FYN: variants seen among roughly 807,000 people sequenced by gnomAD.
FYN encodes tyrosine-protein kinase Fyn.
In FYN, 10 loss-of-function variants were observed where a neutral mutation model predicts 70.2. That is an observed-to-expected ratio of 0.14 (90% CI 0.09 to 0.24). FYN has a LOEUF of 0.24. Among genes scored for constraint, FYN ranks in the 10% least tolerant of loss-of-function variants. The pLI is 1.00. For synonymous variants in FYN, 236 were observed against 248.6 expected (o/e 0.95, Z 0.48); for missense variants, 319 against 673.1 (o/e 0.47, Z 5.82).
At chr6:111,751,668 C>A (rs1017222339) in intron 3 of FYN, among the ~76,000 whole-genome samples, 3 of 151,936 alleles carry the variant, frequency 2.0e-5, no homozygotes, top group Admixed American at 1.3e-4. Context: ...GTCATCTAGG[C>A]TGGAGTGCAG....
intron 9 of FYN, among the ~76,000 whole-genome samples, chr6:111,697,676 A>C (rs1799633399): frequency 6.6e-6 from 1 of 152,246 alleles, no homozygotes; most frequent in African/African-American, 2.4e-5. Flanking sequence ...AGCACCCAAA[A>C]TTCTAAATAC....
At chr6:111,733,620 A>G (rs1801566764) in intron 3 of FYN, among the ~76,000 whole-genome samples, 1 of 152,262 alleles carries the variant, frequency 6.6e-6, no homozygotes, top group Non-Finnish European at 1.5e-5. Flanking sequence ...TCAGTGCATT[A>G]GCCCAGAACC....
chr6:111,771,769 C>A (rs552042958), intron 3 of FYN, among the ~76,000 whole-genome samples: 1 of 152,310 alleles, frequency 6.6e-6, no homozygotes, highest in South Asian at 2.1e-4. Context: ...ATAAAGATCC[C>A]GGTTTCCAGT....
intron 5 of FYN, among the ~76,000 whole-genome samples, chr6:111,713,634 C>T (rs1007678113): frequency 6.6e-6 from 1 of 152,046 alleles, no homozygotes; most frequent in African/African-American, 2.4e-5. Flanking sequence ...TATTTATAAA[C>T]CCTAAGAAAA....
chr6:111,663,454 G>C (rs1456578011), intron 13 of FYN, among the ~76,000 whole-genome samples: 1 of 152,214 alleles, frequency 6.6e-6, no homozygotes, highest in Non-Finnish European at 1.5e-5. Context: ...AGTCCTCTTG[G>C]TTGTGTTGTT....
intron 5 of FYN, among the ~76,000 whole-genome samples, chr6:111,713,182 A>C (rs1358992185): frequency 5.3e-5 from 8 of 152,148 alleles, no homozygotes; most frequent in Non-Finnish European, 1.2e-4. Flanking sequence ...TTCTCACTGC[A>C]TGGTTCTGTG....
intron 1 of FYN, among the ~76,000 whole-genome samples, chr6:111,860,543 G>C (rs1773935061): frequency 6.6e-6 from 1 of 152,176 alleles, no homozygotes; most frequent in Non-Finnish European, 1.5e-5. Flanking sequence ...AGTAGGGCTT[G>C]CCTTGGGCAC....
At chr6:111,869,153 C>T (rs754202036) in intron 1 of FYN, among the ~76,000 whole-genome samples, 4 of 152,210 alleles carry the variant, frequency 2.6e-5, no homozygotes, top group Non-Finnish European at 4.4e-5. Context: ...ACAGGGACTA[C>T]CCAGAACACT....
chr6:111,844,052 C>T (rs1773445986), intron 2 of FYN, among the ~76,000 whole-genome samples: 1 of 152,200 alleles, frequency 6.6e-6, no homozygotes, highest in South Asian at 2.1e-4. Flanking sequence ...TGAGCCCAGA[C>T]AGATCTGAGT....
At chr6:111,663,810 C>G (rs1797877348) in intron 13 of FYN, among the ~76,000 whole-genome samples, 1 of 152,086 alleles carries the variant, frequency 6.6e-6, no homozygotes, top group African/African-American at 2.4e-5. Context: ...CCTACATCCT[C>G]CTCCAATGGC....
chr6:111,734,522 GCT>G (rs1801617758), intron 3 of FYN, among the ~76,000 whole-genome samples: 1 of 152,058 alleles, frequency 6.6e-6, no homozygotes, highest in African/African-American at 2.4e-5. Flanking sequence ...TTATGATCTG[GCT>G]CAACCAACTC....
chr6:111,798,951 T>A (rs1306355632), intron 2 of FYN, among the ~76,000 whole-genome samples: 1 of 152,200 alleles, frequency 6.6e-6, no homozygotes, highest in East Asian at 1.9e-4. Context: ...TTCCTCAGAA[T>A]ATCCAGATTA....
intron 3 of FYN, among the ~76,000 whole-genome samples, chr6:111,745,891 TC>T (rs1802188740): frequency 6.6e-6 from 1 of 152,212 alleles, no homozygotes; most frequent in Admixed American, 6.5e-5. Context: ...CAGTAATGTT[TC>T]CCCTGTGCAA....
intron 2 of FYN, among the ~76,000 whole-genome samples, chr6:111,813,272 C>A: frequency 6.6e-6 from 1 of 152,166 alleles, no homozygotes; most frequent in Admixed American, 6.6e-5. Context: ...CCCAGTTGAA[C>A]TTTACCAAGG....
At chr6:111,771,497 A>G (rs1023436383) in intron 3 of FYN, among the ~76,000 whole-genome samples, 1 of 152,024 alleles carries the variant, frequency 6.6e-6, no homozygotes, top group African/African-American at 2.4e-5. Flanking sequence ...TATGAAACCC[A>G]ACTTTCCCCC....
chr6:111,842,351 C>A (rs1438160495), intron 2 of FYN, among the ~76,000 whole-genome samples: 2 of 152,210 alleles, frequency 1.3e-5, no homozygotes, highest in Non-Finnish European at 2.9e-5. Flanking sequence ...GCACCAGAAG[C>A]ACCTGAGTCC....
chr6:111,859,284 C>T (rs541616158), intron 1 of FYN, among the ~76,000 whole-genome samples: 1 of 152,350 alleles, frequency 6.6e-6, no homozygotes, highest in South Asian at 2.1e-4. Context: ...AACTCTAAGT[C>T]ACCGCAAGGC....
chr6:111,750,365 CAT>C (rs1010322669), intron 3 of FYN, among the ~76,000 whole-genome samples: 2 of 152,156 alleles, frequency 1.3e-5, no homozygotes, highest in African/African-American at 4.8e-5. Context: ...CTGCTCCCAC[CAT>C]GTGAGATGCC....
At position 111,690,359 on chromosome 6, in the gene FYN, G is replaced by A. The variant is rs548836046; in HGVS notation, c.1273+4016C>T. Among the ~76,000 whole-genome samples the A allele has an allele frequency of 1.1e-4, 16 of 152,260 alleles. No individual in the cohort carries two copies. In the East Asian group the frequency reaches 3.1e-3, roughly 29 times the overall value. ...CAGTGAGACCCAGTGAGGGCACCCC[G>A]ACTCATCTTTCTGGGCTTGGAGGAC... On this transcript the variant is annotated intron_variant, in intron 12 of 13. Transcript: ENST00000354650.
Sources: allele counts gnomAD v4.1 joint callset (sites outside exome capture counted in the v4.1 genomes callset), GRCh38; gene constraint gnomAD v4.1.1; transcripts MANE v1.5; gene names NCBI Gene and HGNC (gene_info 2026-07-23, HGNC 2026-07-21).